Variants in CDH18 observed in about 807,000 individuals in gnomAD.
The protein encoded by CDH18 is cadherin-18.
In CDH18, 31 loss-of-function variants were observed where a neutral mutation model predicts 67.9. The ratio of observed to expected loss-of-function variants is 0.46; its 90% CI spans 0.34 to 0.62. The LOEUF (loss-of-function observed/expected upper bound fraction) is 0.62. CDH18 is among the 20% of genes least tolerant of loss of function. CDH18 has a pLI of 0.01. For synonymous variants in CDH18, 362 were observed against 347.2 expected (o/e 1.04, Z -0.48); for missense variants, 890 against 975.5 (o/e 0.91, Z 1.17).
At chr5:19,510,667 A>T (rs2126823798) in intron 10 of CDH18, among the ~76,000 whole-genome samples, 1 of 152,204 alleles carries the variant, frequency 6.6e-6, no homozygotes, top group South Asian at 2.1e-4. Flanking sequence ...GTCCCCACTA[A>T]AATCATATTG....
chr5:19,599,960 T>C (rs1746818844), intron 6 of CDH18, among the ~76,000 whole-genome samples: 2 of 152,120 alleles, frequency 1.3e-5, no homozygotes, highest in South Asian at 4.2e-4. Context: ...TCCCATAATG[T>C]TCTCCATGTT....
At chr5:20,560,775 A>G (rs967280782) in intron 1 of CDH18, among the ~76,000 whole-genome samples, 31 of 152,142 alleles carry the variant, frequency 2.0e-4, no homozygotes, top group African/African-American at 7.5e-4. Flanking sequence ...AAGTAGGTGA[A>G]TGAATTAAAG....
chr5:20,494,919 C>T (rs1198055641), intron 1 of CDH18, among the ~76,000 whole-genome samples: 5 of 151,978 alleles, frequency 3.3e-5, no homozygotes, highest in African/African-American at 7.2e-5. Flanking sequence ...AAGGAGCATT[C>T]GGGGATAGAA....
intron 1 of CDH18, among the ~76,000 whole-genome samples, chr5:20,441,594 A>C (rs1004438455): frequency 6.6e-6 from 1 of 151,982 alleles, no homozygotes; most frequent in African/African-American, 2.4e-5. Context: ...TGAACTCATA[A>C]TCTGTTTAAT....
At chr5:19,849,803 TACAC>T (rs951638173) in intron 2 of CDH18, among the ~76,000 whole-genome samples, 3 of 147,194 alleles carry the variant, frequency 2.0e-5, no homozygotes, top group African/African-American at 5.0e-5. Context: ...TATACACGCA[TACAC>T]ACACACACAC....
chr5:20,569,498 C>T (rs183221650), intron 1 of CDH18, among the ~76,000 whole-genome samples: 2 of 152,158 alleles, frequency 1.3e-5, no homozygotes, highest in Non-Finnish European at 2.9e-5. Context: ...GTCATCCCAG[C>T]TCCTTGGGAG....
At chr5:20,040,874 A>C (rs1176946318) in intron 2 of CDH18, among the ~76,000 whole-genome samples, 1 of 152,184 alleles carries the variant, frequency 6.6e-6, no homozygotes, top group East Asian at 1.9e-4. Context: ...CAAACTATGA[A>C]ATAACATGAT....
chr5:20,168,044 A>T (rs570219692), intron 2 of CDH18, among the ~76,000 whole-genome samples: 50 of 152,276 alleles, frequency 3.3e-4, no homozygotes, highest in Admixed American at 1.8e-3. Context: ...CTGAATAATA[A>T]ATTACCTTTA....
intron 5 of CDH18, among the ~76,000 whole-genome samples, chr5:19,712,671 A>G (rs965826300): frequency 6.7e-6 from 1 of 150,120 alleles, no homozygotes; most frequent in African/African-American, 2.4e-5. Context: ...ACACACACAC[A>G]TATTTATATA....
At chr5:19,770,604 T>A (rs1773619957) in intron 3 of CDH18, among the ~76,000 whole-genome samples, 1 of 128,096 alleles carries the variant, frequency 7.8e-6, no homozygotes, top group South Asian at 3.2e-4. Flanking sequence ...ATCCAAACTT[T>A]CCATGCCAAA....
At chr5:19,935,528 G>A (rs990820886) in intron 2 of CDH18, among the ~76,000 whole-genome samples, 1 of 151,170 alleles carries the variant, frequency 6.6e-6, no homozygotes, top group African/African-American at 2.4e-5. Flanking sequence ...GTACATGTCT[G>A]TAGCCTAGGA....
chr5:20,237,315 G>T (rs1408197695), intron 2 of CDH18, among the ~76,000 whole-genome samples: 3 of 151,770 alleles, frequency 2.0e-5, no homozygotes, highest in African/African-American at 7.2e-5. Context: ...GTGTACAGGG[G>T]TTTCTTGCCC....
intron 2 of CDH18, among the ~76,000 whole-genome samples, chr5:19,960,819 G>A (rs549340198): frequency 1.4e-4 from 21 of 146,936 alleles, no homozygotes; most frequent in Admixed American, 4.1e-4. Flanking sequence ...ACACACACAC[G>A]CACACAAATA....
intron 1 of CDH18, among the ~76,000 whole-genome samples, chr5:20,310,254 G>A (rs1736868591): frequency 6.6e-6 from 1 of 152,042 alleles, no homozygotes; most frequent in Admixed American, 6.6e-5. Context: ...AAACAAACCA[G>A]GTCAGAAAAC....
At chr5:20,012,004 G>A (rs1737481984) in intron 2 of CDH18, among the ~76,000 whole-genome samples, 1 of 152,064 alleles carries the variant, frequency 6.6e-6, no homozygotes, top group Admixed American at 6.6e-5. Flanking sequence ...AATAGTTTCA[G>A]TAGGAATGAT....
chr5:19,979,056 G>T (rs146405414), intron 2 of CDH18, among the ~76,000 whole-genome samples: 1 of 152,254 alleles, frequency 6.6e-6, no homozygotes, highest in East Asian at 1.9e-4. Flanking sequence ...CACTCATAGA[G>T]TGAGTTTCAG....
intron 12 of CDH18, among the ~76,000 whole-genome samples, chr5:19,474,661 T>C (rs2126505142): frequency 6.6e-6 from 1 of 152,238 alleles, no homozygotes; most frequent in Non-Finnish European, 1.5e-5. Flanking sequence ...TACCATAATG[T>C]GATTTCTCGC....
At chr5:19,841,793 G>A (rs1428718629) in intron 2 of CDH18, among the ~76,000 whole-genome samples, 2 of 152,100 alleles carry the variant, frequency 1.3e-5, no homozygotes, top group Admixed American at 6.5e-5. Context: ...TGTAAAATGA[G>A]TGTTTTCTTT....
chr5:20,542,538 A>G (rs1051608976), intron 1 of CDH18, among the ~76,000 whole-genome samples: 19 of 151,748 alleles, frequency 1.3e-4, no homozygotes, highest in Non-Finnish European at 2.4e-4. Flanking sequence ...CTATATATGC[A>G]TATGGATATA....
Sources: allele counts gnomAD v4.1 joint callset (sites outside exome capture counted in the v4.1 genomes callset), GRCh38; gene constraint gnomAD v4.1.1; transcripts MANE v1.5; gene names NCBI Gene and HGNC (gene_info 2026-07-23, HGNC 2026-07-21).